Variants in SMYD3 observed in about 807,000 individuals in gnomAD.
SMYD3 encodes histone-lysine N-methyltransferase SMYD3.
A neutral mutation model predicts 57.7 loss-of-function variants in SMYD3; 36 were observed. The observed-to-expected ratio is 0.62, with a 90% CI of 0.48 to 0.82. SMYD3 has a LOEUF of 0.82. Ranked by LOEUF, SMYD3 falls within the 40% of genes least tolerant of loss-of-function variation. SMYD3 has a pLI of 0.00. For missense variants in SMYD3, 515 were observed against 538.8 expected (o/e 0.96, Z 0.44); for synonymous variants, 211 against 195.0 (o/e 1.08, Z -0.68).
At position 246,451,901 on chromosome 1, in the gene SMYD3, TA is replaced by T. The variant is rs769980230; in HGVS notation, c.164+55152del. Among the ~76,000 whole-genome samples the T allele has an allele frequency of 1.2e-3, 181 of 152,196 alleles. 3 individuals carry two copies. The highest frequency in any genetic ancestry group is 4.0e-4 in the Non-Finnish European group (27 of 68,032). ...GTACATCAAAAATATACTGTTTTTT[TA>T]AATGCCTACATAAATGCTCAATAAA... is the stretch of plus-strand genomic sequence containing the variant. On this transcript the variant is annotated intron_variant, in intron 1 of 11. Transcript: ENST00000490107.
chr1:245,969,608 C>G (rs1375825418), intron 5 of SMYD3, among the ~76,000 whole-genome samples: 1 of 152,212 alleles, frequency 6.6e-6, no homozygotes. Flanking sequence ...GAAATCCAAA[C>G]TAACCAAGGG....
chr1:245,851,136 G>A (rs1326462176), intron 10 of SMYD3, among the ~76,000 whole-genome samples: 2 of 152,088 alleles, frequency 1.3e-5, no homozygotes, highest in Non-Finnish European at 2.9e-5. Context: ...TAAAAACCTT[G>A]TCCATCACTG....
chr1:245,982,897 G>A (rs961714157), intron 5 of SMYD3, among the ~76,000 whole-genome samples: 3 of 152,206 alleles, frequency 2.0e-5, no homozygotes, highest in Non-Finnish European at 4.4e-5. Flanking sequence ...CACTTGCAAA[G>A]CGGTTCAAAT....
chr1:246,082,431 G>C (rs565218174), intron 5 of SMYD3, among the ~76,000 whole-genome samples: 18 of 152,160 alleles, frequency 1.2e-4, no homozygotes, highest in Admixed American at 6.5e-4. Flanking sequence ...GACTCAGTTG[G>C]TCCCATGGCC....
chr1:245,852,267 G>A (rs1045990157), intron 10 of SMYD3, among the ~76,000 whole-genome samples: 4 of 152,118 alleles, frequency 2.6e-5, no homozygotes, highest in Non-Finnish European at 4.4e-5. Flanking sequence ...TGCACAGAGT[G>A]TCCTAGATTT....
intron 8 of SMYD3, among the ~76,000 whole-genome samples, chr1:245,910,338 G>A (rs1406310603): frequency 6.6e-6 from 1 of 152,058 alleles, no homozygotes; most frequent in Non-Finnish European, 1.5e-5. Flanking sequence ...ATGTGGATTG[G>A]AAGAATACTG....
intron 1 of SMYD3, among the ~76,000 whole-genome samples, chr1:246,491,865 A>G (rs1330965198): frequency 6.6e-6 from 1 of 152,122 alleles, no homozygotes; most frequent in Non-Finnish European, 1.5e-5. Flanking sequence ...AGACAAGGCC[A>G]CTCTGTGACC....
chr1:245,976,932 CTAGGGAAAG>C (rs1370493821), intron 5 of SMYD3, among the ~76,000 whole-genome samples: 10 of 58,912 alleles, frequency 1.7e-4, no homozygotes, highest in East Asian at 4.6e-4. Flanking sequence ...CGTCTCTAGC[CTAGGGAAAG>C]CCATCGTCTC....
At chr1:246,014,562 G>A (rs1005732993) in intron 5 of SMYD3, among the ~76,000 whole-genome samples, 3 of 151,856 alleles carry the variant, frequency 2.0e-5, no homozygotes, top group Non-Finnish European at 2.9e-5. Flanking sequence ...TCCAAAATAC[G>A]GTAAATGACA....
intron 10 of SMYD3, among the ~76,000 whole-genome samples, chr1:245,807,287 T>C (rs2048228222): frequency 6.6e-6 from 1 of 151,896 alleles, no homozygotes; most frequent in Admixed American, 6.6e-5. Flanking sequence ...CAAAAGGTCT[T>C]ACAAAAGTCA....
At chr1:246,496,643 C>G (rs1362863294) in intron 1 of SMYD3, among the ~76,000 whole-genome samples, 1 of 152,020 alleles carries the variant, frequency 6.6e-6, no homozygotes, top group Admixed American at 6.6e-5. Context: ...GGCTGGGCAA[C>G]ATGGTGAAAC....
At chr1:245,751,369 C>T (rs909611092) in intron 11 of SMYD3, among the ~76,000 whole-genome samples, 3 of 152,154 alleles carry the variant, frequency 2.0e-5, no homozygotes, top group African/African-American at 4.8e-5. Flanking sequence ...TTCCATTCTA[C>T]GTTGGAAAAA....
chr1:245,762,796 T>A (rs10924331), intron 11 of SMYD3, among the ~76,000 whole-genome samples: 46,571 of 152,132 alleles, frequency 0.31, 7,962 homozygotes, highest in East Asian at 0.77. Context: ...TGCCAGTGTT[T>A]TGGGATCAGC....
intron 1 of SMYD3, among the ~76,000 whole-genome samples, chr1:246,504,953 C>G (rs2068513771): frequency 6.6e-6 from 1 of 152,234 alleles, no homozygotes; most frequent in Non-Finnish European, 1.5e-5. Flanking sequence ...ACACTATTTT[C>G]AGGTTGCAGT....
intron 1 of SMYD3, among the ~76,000 whole-genome samples, chr1:246,390,217 A>C (rs1459728668): frequency 9.6e-4 from 5 of 5,204 alleles, no homozygotes; most frequent in Non-Finnish European, 3.7e-3. Context: ...CTGTCTCCAA[A>C]AAAAAAAAAA....
chr1:246,402,324 C>G (rs905405882), intron 1 of SMYD3, among the ~76,000 whole-genome samples: 2 of 100,418 alleles, frequency 2.0e-5, no homozygotes, highest in Non-Finnish European at 4.8e-5. Flanking sequence ...TGAGGCAAAA[C>G]TGTTCAAACC....
At chr1:246,476,354 G>A (rs2068030939) in intron 1 of SMYD3, among the ~76,000 whole-genome samples, 2 of 152,168 alleles carry the variant, frequency 1.3e-5, no homozygotes, top group Admixed American at 6.5e-5. Flanking sequence ...TCCAATCCAC[G>A]CCTCTATGCC....
At chr1:246,071,162 T>A (rs1294123766) in intron 5 of SMYD3, among the ~76,000 whole-genome samples, 1 of 152,078 alleles carries the variant, frequency 6.6e-6, no homozygotes, top group Non-Finnish European at 1.5e-5. Flanking sequence ...TGTAAGTAAG[T>A]AAAAATAAGG....
chr1:245,868,300 T>C (rs2051990195), intron 8 of SMYD3, among the ~76,000 whole-genome samples: 1 of 152,228 alleles, frequency 6.6e-6, no homozygotes, highest in Non-Finnish European at 1.5e-5. Context: ...GCCCATGCTC[T>C]TTCTAGTACC....
Sources: allele counts gnomAD v4.1 joint callset (sites outside exome capture counted in the v4.1 genomes callset), GRCh38; gene constraint gnomAD v4.1.1; transcripts MANE v1.5; gene names NCBI Gene and HGNC (gene_info 2026-07-23, HGNC 2026-07-21).